The following ANKRD45 variants were observed in gnomAD, a reference collection of about 807,000 sequenced individuals.
The protein encoded by ANKRD45 is ankyrin repeat domain-containing protein 45.
A neutral mutation model predicts 28.1 loss-of-function variants in ANKRD45; 21 were observed. The observed-to-expected ratio is 0.75, with a 90% confidence interval of 0.53 to 1.08. The LOEUF is 1.08. ANKRD45 is among the 50% of genes least tolerant of loss of function. ANKRD45 has a pLI of 0.00. For missense variants in ANKRD45, 261 were observed against 308.7 expected, an observed-to-expected ratio of 0.85 and a Z score of 1.16; for synonymous variants, 86 against 103.9, an observed-to-expected ratio of 0.83 and a Z score of 1.05.
intron 2 of ANKRD45, 151 bp downstream of exon 2, chr1:173,658,940 A>G: frequency 9.0e-7 from 1 of 1,108,306 alleles, no homozygotes; most frequent in South Asian, 2.2e-5. Context: ...ATACATTTAC[A>G]TGTATACACA....
the ANKRD45 span, among the ~76,000 whole-genome samples, chr1:173,685,448 T>A: frequency 6.6e-6 from 1 of 152,214 alleles, no homozygotes; most frequent in Admixed American, 6.5e-5. Context: ...ATAAAGCCCA[T>A]GCCTGGTCAA....
chr1:173,630,099 G>A (rs1194777071), intron 3 of ANKRD45, among the ~76,000 whole-genome samples: 3 of 152,074 alleles, frequency 2.0e-5, no homozygotes, highest in East Asian at 1.9e-4. Context: ...AAATATTTTC[G>A]CAGGCAAACA....
chr1:173,619,513 T>G (rs578208491), intron 5 of ANKRD45, among the ~76,000 whole-genome samples: 28 of 152,098 alleles, frequency 1.8e-4, no homozygotes, highest in Non-Finnish European at 3.4e-4. Flanking sequence ...AAACAGACTT[T>G]AAACCAACAA....
At chr1:173,697,429 C>A in the ANKRD45 span, among the ~76,000 whole-genome samples, 5 of 152,160 alleles carry the variant, frequency 3.3e-5, no homozygotes, top group African/African-American at 1.2e-4. Flanking sequence ...GGTTGGGTTA[C>A]CCACAAAGGG....
At chr1:173,714,929 C>T in the ANKRD45 span, 1 of 152,318 alleles carries the variant, frequency 6.6e-6, no homozygotes, top group Non-Finnish European at 1.5e-5. Context: ...GGACTACTTC[C>T]TGCTTCTGGA....
At chr1:173,712,106 C>A in the ANKRD45 span, among the ~76,000 whole-genome samples, 4 of 152,128 alleles carry the variant, frequency 2.6e-5, no homozygotes, top group South Asian at 2.1e-4. Flanking sequence ...AAGCAATTCA[C>A]AGAAGGGAAA....
At chr1:173,637,472 T>C (rs1281607538) in intron 3 of ANKRD45, among the ~76,000 whole-genome samples, 2 of 152,226 alleles carry the variant, frequency 1.3e-5, no homozygotes, top group Non-Finnish European at 2.9e-5. Context: ...CAAGCAAGCA[T>C]GAGGTCATAG....
intron 3 of ANKRD45, among the ~76,000 whole-genome samples, chr1:173,638,643 G>C (rs1017068828): frequency 1.2e-4 from 18 of 152,182 alleles, no homozygotes; most frequent in African/African-American, 4.1e-4. Context: ...ATTAGTTGAA[G>C]AAAGTAGAAA....
intron 3 of ANKRD45, among the ~76,000 whole-genome samples, chr1:173,644,758 G>A (rs1398922639): frequency 6.6e-6 from 1 of 152,090 alleles, no homozygotes; most frequent in Non-Finnish European, 1.5e-5. Flanking sequence ...ACTTTGGGAG[G>A]TTAAGGAGGG....
chr1:173,635,459 G>C, intron 3 of ANKRD45: 1 of 1,100,580 alleles, frequency 9.1e-7, no homozygotes, highest in Non-Finnish European at 1.3e-6. Flanking sequence ...TTATTATTTA[G>C]CTAATTTAGC....
chr1:173,661,784 G>C (rs1474713980), intron 1 of ANKRD45, among the ~76,000 whole-genome samples: 3 of 152,138 alleles, frequency 2.0e-5, no homozygotes, highest in Non-Finnish European at 4.4e-5. Context: ...AGGTAGGAAA[G>C]ATCCCTCCTA....
the ANKRD45 span, among the ~76,000 whole-genome samples, chr1:173,684,761 A>G: frequency 2.6e-5 from 4 of 152,150 alleles, no homozygotes; most frequent in Non-Finnish European, 5.9e-5. Flanking sequence ...TGCTAATATC[A>G]TGTTTAAGGC....
chr1:173,635,244 T>G (rs1668374416), intron 3 of ANKRD45: 2 of 291,854 alleles, frequency 6.9e-6, no homozygotes, highest in Admixed American at 9.3e-5. Flanking sequence ...CACCTTTTAG[T>G]TCCAATGTGG....
the ANKRD45 span, among the ~76,000 whole-genome samples, chr1:173,688,679 TTTCTGCCTCTTTC>T: frequency 3.6e-5 from 5 of 139,434 alleles, no homozygotes; most frequent in Non-Finnish European, 6.1e-5. Flanking sequence ...CCTCTCTCTC[TTTCTGCCTCTTTC>T]CTCTCTCTCT....
intron 1 of ANKRD45, chr1:173,669,420 G>C (rs1046726886): frequency 2.7e-5 from 12 of 441,662 alleles, no homozygotes; most frequent in African/African-American, 2.5e-4. Flanking sequence ...AAAAGTAGTC[G>C]CTTAATCAAG....
At position 173,608,918 on chromosome 1, in the gene ANKRD45, G is replaced by GGGAGA. The variant is rs1667034133; in HGVS notation, c.*1226_*1227insTCTCC. Among the ~76,000 whole-genome samples the GGGAGA allele has an allele frequency of 1.2e-5, 1 of 85,672 alleles. No homozygotes were observed. Among genetic ancestry groups the GGGAGA allele is most frequent in the African/African-American group, 4.6e-5 (1 of 21,666 alleles). 56.2% of individuals were successfully genotyped at this position (85,672 alleles called of 152,430 possible). A position where few individuals can be genotyped will look rare whatever the true frequency, so the allele number is the denominator to read the frequency against. On this transcript the variant is annotated 3_prime_UTR_variant, in exon 6 of 6. Transcript: ENST00000333279. ...GGGAGAGGAAGGGAGAGGAAGGGAGGGGAAGGGAGGGGAAGGGAGGGGAAG... is the reference window on the plus strand; with the variant it reads ...GGGAGAGGAAGGGAGAGGAAGGGAGGGGAGAGGAAGGGAGGGGAAGGGAGGGGAAG...
rs1035060868 is a variant in ANKRD45, at chr1:173,646,747, C to T, written c.496+99G>A. On this transcript the variant is annotated intron_variant, in intron 3 of 5. Transcript: ENST00000333279. ...CCAACTGTGACTGTGGTTGTATCTA[C>T]AAACAAAACACTGTGAAAAAAGGTG... 3.2e-6 allele frequency: 4 copies of T among 1,265,484 alleles called. No individual in the cohort carries two copies. The South Asian group carries it at 4.5e-5, about 14-fold the overall frequency. 78.4% of individuals were successfully genotyped at this position (1,265,484 alleles called of 1,614,324 possible).
At chr1:173,625,472 C>T (rs536413383) in intron 4 of ANKRD45, among the ~76,000 whole-genome samples, 3 of 152,260 alleles carry the variant, frequency 2.0e-5, no homozygotes, top group South Asian at 4.1e-4. Context: ...CTGAAAATCT[C>T]TCAATTTGCA....
intron 3 of ANKRD45, among the ~76,000 whole-genome samples, chr1:173,632,786 G>C (rs574368463): frequency 6.6e-6 from 1 of 151,478 alleles, no homozygotes; most frequent in East Asian, 1.9e-4. Context: ...TTTTAATTGA[G>C]GCTAAAATTT....
Sources: gnomAD v4.1 joint callset for allele counts (sites outside exome capture counted in the v4.1 genomes callset) on GRCh38, gnomAD v4.1.1 for gene constraint, MANE v1.5 for transcripts, NCBI Gene and HGNC (gene_info 2026-07-23, HGNC 2026-07-21) for gene names.